IGSF21: variants seen among roughly 807,000 people sequenced by gnomAD.
IGSF21 encodes immunoglobin superfamily member 21.
In IGSF21, 28 loss-of-function variants were observed where a neutral mutation model predicts 46.8. That is an observed-to-expected ratio of 0.60 (90% CI 0.44 to 0.82). IGSF21 has a LOEUF of 0.82. Ranked by LOEUF, IGSF21 falls within the 40% of genes least tolerant of loss-of-function variation. IGSF21 has a pLI of 0.00. For synonymous variants in IGSF21, 284 were observed against 273.6 expected, an observed-to-expected ratio of 1.04 and a Z score of -0.38; for missense variants, 624 against 665.5, an observed-to-expected ratio of 0.94 and a Z score of 0.69.
intron 1 of IGSF21, among the ~76,000 whole-genome samples, chr1:18,164,717 G>A (rs1293741959): frequency 2.0e-5 from 3 of 151,044 alleles, no homozygotes; most frequent in African/African-American, 7.3e-5. Context: ...TTCCTTTGTT[G>A]GTATTTTTTC....
At position 18,376,785 on chromosome 1, in the gene IGSF21, T is replaced by TG; in HGVS notation, c.1102-14dup. On this transcript the variant is annotated splice_polypyrimidine_tract_variant and intron_variant, in intron 7 of 9. Transcript: ENST00000251296. The stretch of plus-strand genomic sequence containing the variant: ...GCCCTCCTGTGACCCACCTCTCCCC[T>TG]GATCTGGCCAACAGAACGAAGTCTT... 1 of 1,571,694 alleles carries TG rather than the reference T, an allele frequency of 6.4e-7. No homozygotes were observed. The highest frequency in any genetic ancestry group is 1.2e-5 in the South Asian group (1 of 84,860).
intron 1 of IGSF21, among the ~76,000 whole-genome samples, chr1:18,222,375 G>C (rs1189172091): frequency 2.0e-5 from 3 of 152,174 alleles, no homozygotes; most frequent in Non-Finnish European, 4.4e-5. Context: ...GCCAGTCTCT[G>C]TTCTTTCAAC....
intron 1 of IGSF21, among the ~76,000 whole-genome samples, chr1:18,189,874 C>T (rs990947291): frequency 2.6e-5 from 4 of 151,434 alleles, no homozygotes; most frequent in Admixed American, 6.6e-5. Context: ...GTTCCTCTGC[C>T]CTGGAGCCTT....
At chr1:18,246,612 C>T (rs753876797) in intron 2 of IGSF21, among the ~76,000 whole-genome samples, 2 of 152,190 alleles carry the variant, frequency 1.3e-5, no homozygotes, top group Non-Finnish European at 2.9e-5. Flanking sequence ...ACTGAGAAGG[C>T]AGAGGGAGCT....
At chr1:18,360,532 AG>A (rs922595733) in intron 4 of IGSF21, among the ~76,000 whole-genome samples, 3 of 152,168 alleles carry the variant, frequency 2.0e-5, no homozygotes, top group African/African-American at 7.2e-5. Flanking sequence ...AGTAGGTGTC[AG>A]GAAATGTTTG....
intron 4 of IGSF21, among the ~76,000 whole-genome samples, chr1:18,343,756 A>T (rs2085865735): frequency 6.6e-6 from 1 of 152,216 alleles, no homozygotes. Context: ...TGACTGTGAA[A>T]GTGCGAGTTT....
chr1:18,227,358 A>C (rs916669525), intron 1 of IGSF21, among the ~76,000 whole-genome samples: 3 of 151,994 alleles, frequency 2.0e-5, no homozygotes, highest in Non-Finnish European at 2.9e-5. Context: ...TATTTCTCAG[A>C]TCCTGGCTGC....
intron 1 of IGSF21, among the ~76,000 whole-genome samples, chr1:18,169,711 G>A (rs1050242993): frequency 7.2e-5 from 11 of 152,178 alleles, no homozygotes; most frequent in African/African-American, 2.7e-4. Flanking sequence ...TGCTGAATAT[G>A]AGCCGCTTGT....
chr1:18,234,156 C>A (rs1477684973), intron 2 of IGSF21, among the ~76,000 whole-genome samples: 1 of 152,102 alleles, frequency 6.6e-6, no homozygotes, highest in East Asian at 1.9e-4. Context: ...ACTCCTCTGA[C>A]CCCACATTCT....
chr1:18,277,740 A>C (rs1038618120), intron 2 of IGSF21, among the ~76,000 whole-genome samples: 1 of 152,216 alleles, frequency 6.6e-6, no homozygotes, highest in Non-Finnish European at 1.5e-5. Context: ...GGTGGATCTA[A>C]AAAATATTAT....
At chr1:18,206,593 G>C (rs1295228709) in intron 1 of IGSF21, among the ~76,000 whole-genome samples, 1 of 151,710 alleles carries the variant, frequency 6.6e-6, no homozygotes, top group Non-Finnish European at 1.5e-5. Context: ...GGAACAGTAA[G>C]TGCAAAGACC....
chr1:18,323,786 C>T (rs2085629458), intron 3 of IGSF21, among the ~76,000 whole-genome samples: 1 of 152,134 alleles, frequency 6.6e-6, no homozygotes. Flanking sequence ...ATTTTGTACC[C>T]AATGAGCAAC....
In IGSF21 at chr1:18,266,203, A is replaced by C. The variant is rs545941481; in HGVS notation, c.184-25663A>C. On this transcript the variant is annotated intron_variant, in intron 2 of 9. Coordinates refer to ENST00000251296, the MANE Select transcript of IGSF21 (RefSeq NM_032880.5). Reference sequence around the variant, plus strand: ...CACAAGACCCTAGGAGGTGGCTACCATTATTATTCTCATTTTATAGAAAAG... The same window carrying C: ...CACAAGACCCTAGGAGGTGGCTACCCTTATTATTCTCATTTTATAGAAAAG... Among the ~76,000 whole-genome samples the C allele has an allele frequency of 2.0e-5, 3 of 152,264 alleles. No individual in the cohort carries two copies. The East Asian group carries it at 5.8e-4, about 29-fold the overall frequency.
chr1:18,242,815 C>G (rs1026690446), intron 2 of IGSF21, among the ~76,000 whole-genome samples: 2 of 152,222 alleles, frequency 1.3e-5, no homozygotes, highest in Non-Finnish European at 2.9e-5. Context: ...AGAGAACTAA[C>G]ACCTGCAGAA....
At chr1:18,323,085 A>T (rs223222) in intron 3 of IGSF21, among the ~76,000 whole-genome samples, 1 of 151,986 alleles carries the variant, frequency 6.6e-6, no homozygotes, top group African/African-American at 2.4e-5. Context: ...TGGATGATCT[A>T]GGATCCCAAG....
intron 1 of IGSF21, among the ~76,000 whole-genome samples, chr1:18,146,601 T>A (rs558601129): frequency 6.6e-6 from 1 of 152,252 alleles, no homozygotes; most frequent in South Asian, 2.1e-4. Context: ...AAGTGCCTCC[T>A]TTTGGTCAAG....
At chr1:18,258,076 C>T (rs2084908348) in intron 2 of IGSF21, among the ~76,000 whole-genome samples, 1 of 152,208 alleles carries the variant, frequency 6.6e-6, no homozygotes, top group African/African-American at 2.4e-5. Context: ...GTAGCAGCCT[C>T]TGTTGGCTTC....
chr1:18,166,098 G>C (rs1290655243), intron 1 of IGSF21, among the ~76,000 whole-genome samples: 2 of 152,214 alleles, frequency 1.3e-5, no homozygotes, highest in Non-Finnish European at 2.9e-5. Context: ...TGGCCTTGCT[G>C]AAGAAATTAA....
chr1:18,118,871 C>T (rs2086209563), intron 1 of IGSF21, among the ~76,000 whole-genome samples: 1 of 152,068 alleles, frequency 6.6e-6, no homozygotes, highest in Non-Finnish European at 1.5e-5. Flanking sequence ...AATATAGTCT[C>T]TTCCTCCCTC....
Sources: allele counts gnomAD v4.1 joint callset (sites outside exome capture counted in the v4.1 genomes callset), GRCh38; gene constraint gnomAD v4.1.1; transcripts MANE v1.5; gene names NCBI Gene and HGNC (gene_info 2026-07-23, HGNC 2026-07-21).